The following PLEKHG3 variants were observed in gnomAD, a reference collection of about 807,000 sequenced individuals.
The protein encoded by PLEKHG3 is pleckstrin homology and RhoGEF domain containing G3, also known as pleckstrin homology domain-containing family G member 3.
PLEKHG3 carries 62 observed loss-of-function variants against 94.9 expected under a neutral mutation model. The observed-to-expected ratio is 0.65, with a 90% CI of 0.53 to 0.81. The LOEUF (loss-of-function observed/expected upper bound fraction) is 0.81, where lower values mean the gene tolerates loss of function less well. Ranked by LOEUF, PLEKHG3 falls within the 30% of genes least tolerant of loss-of-function variation. The pLI is 0.00. For synonymous variants in PLEKHG3, 614 were observed against 654.0 expected (o/e 0.94, Z 0.93); for missense variants, 1,461 against 1,619.3 (o/e 0.90, Z 1.68).
rs1352406389 is a variant in PLEKHG3, at chr14:64,738,027, C to G, written c.1404+652C>G. 1.6e-6 allele frequency: 2 copies of G among 1,287,060 alleles called. No individual in the cohort carries two copies. Among genetic ancestry groups the G allele is most frequent in the Non-Finnish European group, 2.0e-6 (2 of 988,458 alleles). 79.7% of individuals were successfully genotyped at this position (1,287,060 alleles called of 1,614,324 possible). A position where few individuals can be genotyped will look rare whatever the true frequency, so the allele number is the denominator to read the frequency against. ...GGAAGAGCAGGCCTTTCAGGTCTCT[C>G]TGGAGGACCTGACAGGGCATGAAGG... On this transcript the variant is annotated intron_variant, in intron 14 of 16. Transcript: ENST00000247226. The surrounding 1 kb of genome is among the most constrained non-coding windows in gnomAD (Gnocchi z 4.8).
chr14:64,735,216 G>T (rs971607683), intron 12 of PLEKHG3, among the ~76,000 whole-genome samples: 3 of 152,166 alleles, frequency 2.0e-5, no homozygotes, highest in Non-Finnish European at 4.4e-5. Flanking sequence ...TTGGTGTGTC[G>T]TGCCCCTCTT....
rs2081347676 is a variant in PLEKHG3, at chr14:64,726,122, G to A, written c.-39-1471G>A. 6.6e-6 allele frequency among the ~76,000 whole-genome samples: 1 copy of A among 152,142 alleles called. No homozygotes were observed. Among genetic ancestry groups the A allele is most frequent in the African/African-American group, 2.4e-5 (1 of 41,410 alleles). On this transcript the variant is annotated intron_variant, in intron 1 of 16. Transcript: ENST00000247226. The surrounding 1 kb of genome is among the most constrained non-coding windows in gnomAD (Gnocchi z 5.1). ...ATTGGATGTAAATTACATAGGTTGG[G>A]GGATGGTACTGTATGGGGTGGATGG...
chr14:64,744,207 T>A lies in PLEKHG3; in HGVS notation c.*504T>A, dbSNP rs1016750122. The stretch of plus-strand genomic sequence containing the variant: ...CGTGTGCGTGAGTGTGTGGCCCCTG[T>A]TTATTCCCCTCCTGTCAAGAATGAA... On this transcript the variant is annotated 3_prime_UTR_variant, in exon 17 of 17. Coordinates refer to ENST00000247226, the MANE Select transcript of PLEKHG3 (RefSeq NM_001308147.2). 1 of 153,328 alleles carries A rather than the reference T, an allele frequency of 6.5e-6. No individual in the cohort carries two copies. Among genetic ancestry groups the A allele is most frequent in the African/African-American group, 2.4e-5 (1 of 41,480 alleles). 9.5% of individuals were successfully genotyped at this position (153,328 alleles called of 1,614,324 possible). A position where few individuals can be genotyped will look rare whatever the true frequency, so the allele number is the denominator to read the frequency against.
At position 64,730,769 on chromosome 14, in the gene PLEKHG3, G is replaced by A. The variant is rs777172786; in HGVS notation, c.567-30G>A. 1.9e-6 allele frequency: 3 copies of A among 1,612,414 alleles called. No homozygotes were observed. In the Admixed American group the frequency reaches 5.0e-5, roughly 27 times the overall value. ...CACTTCCTCATCCAGGCCTTCCCCA[G>A]GTGGTGACTGGCCCTTCTCCCACTC... On this transcript the variant is annotated intron_variant, in intron 5 of 16. Coordinates refer to ENST00000247226, the MANE Select transcript of PLEKHG3 (RefSeq NM_001308147.2). This position sits in a 1 kb window ranked among gnomAD's most constrained non-coding sequence, Gnocchi z 5.4.
rs2081216402 is a variant in PLEKHG3, at chr14:64,718,966, C to T, written c.-39-8627C>T. On this transcript the variant is annotated intron_variant, in intron 1 of 16. Transcript: ENST00000247226. The surrounding 1 kb of genome is among the most constrained non-coding windows in gnomAD (Gnocchi z 5.0). ...TGTTTCTCTCCAGCTCCCAGTAGTA[C>T]ATGCCGTCTCTCCGTGTGGATCCCA... Among the ~76,000 whole-genome samples, 1 of 152,156 alleles carries T rather than the reference C, an allele frequency of 6.6e-6. No individual in the cohort carries two copies. Among genetic ancestry groups the T allele is most frequent in the Non-Finnish European group, 1.5e-5 (1 of 68,026 alleles).
Position 64,731,893 on chromosome 14 carries a change from C to A in PLEKHG3, c.1125+87C>A. ...ACTCCTGGCTCCTCTGCTCACCTAG[C>A]TGCCCCAAGCCCCAGTGTCTCCATC... is the stretch of plus-strand genomic sequence containing the variant. On this transcript the variant is annotated intron_variant, in intron 9 of 16. Coordinates refer to ENST00000247226, the MANE Select transcript of PLEKHG3 (RefSeq NM_001308147.2). The surrounding 1 kb of genome is among the most constrained non-coding windows in gnomAD (Gnocchi z 6.1). 1 of 997,886 alleles carries A rather than the reference C, an allele frequency of 1.0e-6. No individual in the cohort carries two copies. The highest frequency in any genetic ancestry group is 1.6e-6 in the Non-Finnish European group (1 of 635,006). The allele number at this position is 997,886 out of a possible 1,614,324, so 61.8% of individuals were successfully genotyped here. A position where few individuals can be genotyped will look rare whatever the true frequency, so the allele number is the denominator to read the frequency against.
At chr14:64,724,120 C>T (rs924298853) in intron 1 of PLEKHG3, among the ~76,000 whole-genome samples, 1 of 151,656 alleles carries the variant, frequency 6.6e-6, no homozygotes, top group African/African-American at 2.4e-5. Context: ...GCTGACCCCG[C>T]CCGGGGAGCA....
chr14:64,723,097 GC>G lies in PLEKHG3; in HGVS notation c.-39-4494del, dbSNP rs2081291881. 6.6e-6 allele frequency among the ~76,000 whole-genome samples: 1 copy of G among 152,222 alleles called. No individual in the cohort carries two copies. Among genetic ancestry groups the G allele is most frequent in the Non-Finnish European group, 1.5e-5 (1 of 68,034 alleles). On this transcript the variant is annotated intron_variant, in intron 1 of 16. Coordinates refer to ENST00000247226, the MANE Select transcript of PLEKHG3 (RefSeq NM_001308147.2). The surrounding 1 kb of genome is among the most constrained non-coding windows in gnomAD (Gnocchi z 4.5). ...GGAATCCAGGGGCCTGCTGTAGCCTGCCTGCCTCTGCACCTGCAATATTCAG... is the reference window on the plus strand; with the variant it reads ...GGAATCCAGGGGCCTGCTGTAGCCTGCTGCCTCTGCACCTGCAATATTCAG...
At chr14:64,719,153 G>A (rs1167627473) in intron 1 of PLEKHG3, among the ~76,000 whole-genome samples, 1 of 152,198 alleles carries the variant, frequency 6.6e-6, no homozygotes, top group African/African-American at 2.4e-5. Context: ...CTATATGGAT[G>A]TTGAGATCAT....
At chr14:64,729,128 C>T in intron 3 of PLEKHG3, 35 bp downstream of exon 3, 2 of 966,098 alleles carry the variant, frequency 2.1e-6, no homozygotes, top group East Asian at 2.6e-5. Context: ...CCATGTTCTG[C>T]CTGCGAGGCC....
intron 1 of PLEKHG3, among the ~76,000 whole-genome samples, chr14:64,719,207 T>C (rs538508908): frequency 2.6e-4 from 39 of 152,218 alleles, no homozygotes; most frequent in Non-Finnish European, 5.0e-4. Context: ...GGTTAGGTCA[T>C]GCTGGTTCAC....
chr14:64,749,756 G>A lies in PLEKHG3; in HGVS notation c.*6053G>A, dbSNP rs1318757559. ...CCTCTGGAGGGGGCGCTGGGCAGAGGGCTGGCTCTGATCCCACAATACCCT... is the reference window on the plus strand; with the variant it reads ...CCTCTGGAGGGGGCGCTGGGCAGAGAGCTGGCTCTGATCCCACAATACCCT... On this transcript the variant is annotated 3_prime_UTR_variant, in exon 17 of 17. Coordinates refer to ENST00000247226, the MANE Select transcript of PLEKHG3 (RefSeq NM_001308147.2). This position sits in a 1 kb window ranked among gnomAD's most constrained non-coding sequence, Gnocchi z 4.7. 1 of 1,591,076 alleles carries A rather than the reference G, an allele frequency of 6.3e-7. No homozygotes were observed. The highest frequency in any genetic ancestry group is 8.6e-7 in the Non-Finnish European group (1 of 1,166,590).
chr14:64,728,970 G>T lies in PLEKHG3; in HGVS notation c.352-26G>T. 9.7e-7 allele frequency: 1 copy of T among 1,031,342 alleles called. No individual in the cohort carries two copies. The highest frequency in any genetic ancestry group is 1.5e-6 in the Non-Finnish European group (1 of 689,282). The allele number at this position is 1,031,342 out of a possible 1,614,324, so 63.9% of individuals were successfully genotyped here. ...GTGGGCAGGGTTGTGCCGGGGGCTAGGTTCTGACCACCTCCCTCCACGCAG... is the reference window on the plus strand; with the variant it reads ...GTGGGCAGGGTTGTGCCGGGGGCTATGTTCTGACCACCTCCCTCCACGCAG... On this transcript the variant is annotated intron_variant, in intron 2 of 16. Coordinates refer to ENST00000247226, the MANE Select transcript of PLEKHG3 (RefSeq NM_001308147.2). This position sits in a 1 kb window ranked among gnomAD's most constrained non-coding sequence, Gnocchi z 5.9.
chr14:64,741,090 G>C lies in PLEKHG3; in HGVS notation c.1573G>C (p.Gly525Arg). 1 of 1,610,594 alleles carries C rather than the reference G, an allele frequency of 6.2e-7. No individual in the cohort carries two copies. The highest frequency in any genetic ancestry group is 8.5e-7 in the Non-Finnish European group (1 of 1,177,502). ...SEQEVFSAVE[G>R]PSAEETPSDT... ...GCAAGAGGTATTTTCTGCTGTGGAA[G>C]GGCCCAGTGCCGAGGAGACGCCTTC... The change falls in exon 16 of 17, where the codon GGG becomes CGG. Residue 525 changes from glycine (G) to arginine (R), a missense_variant. Physicochemically the swap from Gly to Arg is moderately radical, Grantham distance 125. Coordinates refer to ENST00000247226, the MANE Select transcript of PLEKHG3 (RefSeq NM_001308147.2).
chr14:64,738,314 C>G lies in PLEKHG3; in HGVS notation c.1405-428C>G, dbSNP rs568715581. The G allele has an allele frequency of 2.1e-4, 156 of 742,878 alleles. No homozygotes were observed. In the African/African-American group the frequency reaches 2.7e-3, roughly 13 times the overall value. 46.0% of individuals were successfully genotyped at this position (742,878 alleles called of 1,614,324 possible). ...GGGCCCCCTCTGCTGCCCTCCTCAC[C>G]CCACCCTGCCCTGGTTTTACTCCTC... On this transcript the variant is annotated intron_variant, in intron 14 of 16. Coordinates refer to ENST00000247226, the MANE Select transcript of PLEKHG3 (RefSeq NM_001308147.2). This position sits in a 1 kb window ranked among gnomAD's most constrained non-coding sequence, Gnocchi z 4.8.
In PLEKHG3 at chr14:64,732,358, T is replaced by A. The variant is rs1163286735; in HGVS notation, c.1213-69T>A. The stretch of plus-strand genomic sequence containing the variant: ...GTGGGGTGTCCTCGTACAGCAACAG[T>A]GGGTCCTATGGGCAGGGAAGGCCGG... On this transcript the variant is annotated intron_variant, in intron 10 of 16. Coordinates refer to ENST00000247226, the MANE Select transcript of PLEKHG3 (RefSeq NM_001308147.2). The surrounding 1 kb of genome is among the most constrained non-coding windows in gnomAD (Gnocchi z 4.9). 5.6e-6 allele frequency: 8 copies of A among 1,434,874 alleles called. No individual in the cohort carries two copies. The highest frequency in any genetic ancestry group is 1.4e-5 in the African/African-American group (1 of 71,462). 88.9% of individuals were successfully genotyped at this position (1,434,874 alleles called of 1,614,324 possible). A position where few individuals can be genotyped will look rare whatever the true frequency, so the allele number is the denominator to read the frequency against.
At chr14:64,737,204 G>T (rs2081588463) in intron 13 of PLEKHG3, 152 bp from the exon 14 acceptor site, 2 of 687,384 alleles carry the variant, frequency 2.9e-6, no homozygotes, top group Non-Finnish European at 5.3e-6. Flanking sequence ...TGAAAGCCCA[G>T]GAGACTAGGT....
Position 64,728,983 on chromosome 14 carries a change from TC to T in PLEKHG3, c.352-10del. The stretch of plus-strand genomic sequence containing the variant: ...TGCCGGGGGCTAGGTTCTGACCACC[TC>T]CCTCCACGCAGGACTACCTCTTGAA... On this transcript the variant is annotated splice_polypyrimidine_tract_variant and intron_variant, in intron 2 of 16. Transcript: ENST00000247226. The surrounding 1 kb of genome is among the most constrained non-coding windows in gnomAD (Gnocchi z 5.9). 2 of 1,254,674 alleles carry T rather than the reference TC, an allele frequency of 1.6e-6. No individual in the cohort carries two copies. The highest frequency in any genetic ancestry group is 2.2e-6 in the Non-Finnish European group (2 of 891,556). The allele number at this position is 1,254,674 out of a possible 1,614,324, so 77.7% of individuals were successfully genotyped here. A position where few individuals can be genotyped will look rare whatever the true frequency, so the allele number is the denominator to read the frequency against.
rs914391322 is a variant in PLEKHG3 at position 64,730,437 on chromosome 14, A to C, written c.519+125A>C. Reference sequence around the variant, plus strand: ...TTCCAGGGAAAGTCCTGGGTGCTCTATCTTGAATGAGAAGGGTGTTCTGAG... The same window carrying C: ...TTCCAGGGAAAGTCCTGGGTGCTCTCTCTTGAATGAGAAGGGTGTTCTGAG... On this transcript the variant is annotated intron_variant, in intron 4 of 16. Transcript: ENST00000247226. The surrounding 1 kb of genome is among the most constrained non-coding windows in gnomAD (Gnocchi z 5.4). The C allele has an allele frequency of 1.3e-6, 1 of 761,936 alleles. No homozygotes were observed. The highest frequency in any genetic ancestry group is 1.7e-5 in the African/African-American group (1 of 58,134). 47.2% of individuals were successfully genotyped at this position (761,936 alleles called of 1,614,324 possible). A position where few individuals can be genotyped will look rare whatever the true frequency, so the allele number is the denominator to read the frequency against.
Sources: allele counts gnomAD v4.1 joint callset (sites outside exome capture counted in the v4.1 genomes callset), GRCh38; gene constraint gnomAD v4.1.1; non-coding constraint Gnocchi (gnomAD v3.1); transcripts MANE v1.5; gene names NCBI Gene and HGNC (gene_info 2026-07-23, HGNC 2026-07-21).